FSTL1: variants seen among roughly 807,000 people sequenced by gnomAD.
FSTL1 encodes follistatin like 1.
In FSTL1, 24 loss-of-function variants were observed where a neutral mutation model predicts 45.9. The observed-to-expected ratio is 0.52, with a 90% CI of 0.38 to 0.74. The LOEUF is 0.74. Among genes scored for constraint, FSTL1 ranks in the 30% least tolerant of loss-of-function variants. The probability of loss-of-function intolerance (pLI) is 0.00; values close to 1 mark genes in which losing one functional copy is unlikely to be tolerated. For missense variants in FSTL1, 340 were observed against 381.8 expected, an observed-to-expected ratio of 0.89 and a Z score of 0.91; for synonymous variants, 120 against 137.6, an observed-to-expected ratio of 0.87 and a Z score of 0.89.
chr3:120,446,138 G>C (rs1227428551), intron 2 of FSTL1, among the ~76,000 whole-genome samples: 1 of 152,188 alleles, frequency 6.6e-6, no homozygotes, highest in Non-Finnish European at 1.5e-5. Context: ...AGAGGACTAA[G>C]ACAAAGAATC....
chr3:120,437,980 A>G (rs1436235131), intron 2 of FSTL1, among the ~76,000 whole-genome samples: 1 of 152,090 alleles, frequency 6.6e-6, no homozygotes, highest in Non-Finnish European at 1.5e-5. Context: ...GGGCCAGGGG[A>G]GCAGGGCAGG....
chr3:120,444,590 C>A (rs868536881), intron 2 of FSTL1, among the ~76,000 whole-genome samples: 2 of 149,722 alleles, frequency 1.3e-5, no homozygotes, highest in Non-Finnish European at 2.9e-5. Context: ...TTCTTGTGAT[C>A]CCCTCCTTTT....
At chr3:120,420,201 A>G (rs1173069121) in intron 2 of FSTL1, among the ~76,000 whole-genome samples, 1 of 152,238 alleles carries the variant, frequency 6.6e-6, no homozygotes, top group African/African-American at 2.4e-5. Flanking sequence ...TAATGATTTT[A>G]GGAATGAGGT....
intron 2 of FSTL1, among the ~76,000 whole-genome samples, chr3:120,440,532 C>G (rs1366209890): frequency 6.6e-6 from 1 of 152,240 alleles, no homozygotes; most frequent in East Asian, 1.9e-4. Context: ...CCCAATACTT[C>G]TCACATTGCA....
In FSTL1 at chr3:120,410,973, C is replaced by T. The variant is rs149509930; in HGVS notation, c.310G>A (p.Val104Ile). Reference sequence around the variant, plus strand: ...TCACCTGGGCTGGCAGATGGACTTACGGATTTCTTCTCTGCAAGACAAAAA... The same window carrying T: ...TCACCTGGGCTGGCAGATGGACTTATGGATTTCTTCTCTGCAAGACAAAAA... The part of the protein sequence containing the change: ...YDGHCKEKKS[V>I]SPSASPVVCY... The change falls in exon 5 of 11, where the codon GTA (valine) becomes ATA (isoleucine). Residue 104 changes from valine to isoleucine, a missense_variant. By Grantham distance (29) the Val-to-Ile change is conservative. Coordinates refer to ENST00000295633, the MANE Select transcript of FSTL1 (RefSeq NM_007085.5). 633 of 1,608,902 alleles carry T rather than the reference C, an allele frequency of 3.9e-4. 2 individuals are homozygous for T. Among genetic ancestry groups the T allele is most frequent in the Admixed American group, 5.9e-4 (35 of 59,760 alleles).
intron 7 of FSTL1, among the ~76,000 whole-genome samples, chr3:120,403,967 CAAAAACAAAAAAAAACAAAA>C (rs1381789849): frequency 2.8e-5 from 1 of 36,284 alleles, no homozygotes; most frequent in African/African-American, 1.0e-4. Context: ...AAAACAAAAA[CAAAAACAAAAAAAAACAAAA>C]AACAAAACAA....
At position 120,395,562 on chromosome 3, in the gene FSTL1, A is replaced by G. The variant is rs1203862611; in HGVS notation, c.*1390T>C. On this transcript the variant is annotated 3_prime_UTR_variant, in exon 11 of 11. Transcript: ENST00000295633. Reference sequence around the variant, plus strand: ...TTCCCACTCTCTTCCTGCTTTACCCATGAGGACTCCATATCATAGCACGAC... The same window carrying G: ...TTCCCACTCTCTTCCTGCTTTACCCGTGAGGACTCCATATCATAGCACGAC... The G allele has an allele frequency of 4.2e-6, 2 of 471,282 alleles. No individual in the cohort carries two copies. Among genetic ancestry groups the G allele is most frequent in the African/African-American group, 4.0e-5 (2 of 49,398 alleles). The allele number at this position is 471,282 out of a possible 1,614,324, so 29.2% of individuals were successfully genotyped here.
chr3:120,421,945 G>C (rs1221061176), intron 2 of FSTL1, among the ~76,000 whole-genome samples: 1 of 152,164 alleles, frequency 6.6e-6, no homozygotes, highest in Non-Finnish European at 1.5e-5. Context: ...CAAATAAAAG[G>C]TCTGAAATCA....
chr3:120,403,030 T>C, intron 8 of FSTL1, 112 bp from the exon 9 acceptor site: 1 of 781,840 alleles, frequency 1.3e-6, no homozygotes, highest in Non-Finnish European at 2.3e-6. Context: ...TGCCTGTCCC[T>C]CAGAAGCACT....
chr3:120,422,805 C>T (rs1937304318), intron 2 of FSTL1, among the ~76,000 whole-genome samples: 1 of 152,130 alleles, frequency 6.6e-6, no homozygotes, highest in Non-Finnish European at 1.5e-5. Context: ...AGCGATTCTC[C>T]TGCCTCAGCC....
chr3:120,415,597 G>A (rs1208220234), intron 3 of FSTL1, among the ~76,000 whole-genome samples: 1 of 152,116 alleles, frequency 6.6e-6, no homozygotes, highest in African/African-American at 2.4e-5. Flanking sequence ...AATTGTTAAC[G>A]CTGGTTACTT....
intron 2 of FSTL1, among the ~76,000 whole-genome samples, chr3:120,416,585 T>G (rs546031559): frequency 6.6e-6 from 1 of 152,144 alleles, no homozygotes; most frequent in Non-Finnish European, 1.5e-5. Context: ...ATGGAAACAT[T>G]GTACAGAACT....
intron 2 of FSTL1, among the ~76,000 whole-genome samples, chr3:120,439,738 G>A (rs144091295): frequency 3.3e-5 from 5 of 152,304 alleles, no homozygotes; most frequent in Non-Finnish European, 5.9e-5. Flanking sequence ...CTCTGCTGGC[G>A]TTTTAGAGCT....
chr3:120,420,411 T>A (rs543329917), intron 2 of FSTL1, among the ~76,000 whole-genome samples: 2 of 152,190 alleles, frequency 1.3e-5, no homozygotes, highest in Admixed American at 1.3e-4. Flanking sequence ...GATATATTGA[T>A]AAAAATCAGC....
chr3:120,404,311 G>C (rs1936903975), intron 7 of FSTL1, among the ~76,000 whole-genome samples: 1 of 152,198 alleles, frequency 6.6e-6, no homozygotes, highest in African/African-American at 2.4e-5. Context: ...AAAAAGACAT[G>C]CTTTTCCTAT....
chr3:120,406,827 C>T (rs1330888600), intron 6 of FSTL1, among the ~76,000 whole-genome samples: 1 of 152,186 alleles, frequency 6.6e-6, no homozygotes, highest in African/African-American at 2.4e-5. Flanking sequence ...GGTTGATTAT[C>T]CCTTATCTGA....
At chr3:120,435,126 C>T (rs536609774) in intron 2 of FSTL1, among the ~76,000 whole-genome samples, 2 of 151,946 alleles carry the variant, frequency 1.3e-5, no homozygotes, top group Admixed American at 6.6e-5. Context: ...GGCTGAGGCA[C>T]GAGAATTGCT....
Position 120,396,827 on chromosome 3 carries a change from T to C in FSTL1, c.*125A>G. On this transcript the variant is annotated 3_prime_UTR_variant, in exon 11 of 11. Transcript: ENST00000295633. ...TTTATTGCAAAACAAATAAACAAAA[T>C]AAAACTCATTGCTATATAAGCAAAT... The C allele has an allele frequency of 1.3e-6, 1 of 741,750 alleles. No homozygotes were observed. The highest frequency in any genetic ancestry group is 2.4e-4 in the Middle Eastern group (1 of 4,164). The allele number at this position is 741,750 out of a possible 1,614,324, so 45.9% of individuals were successfully genotyped here.
At chr3:120,405,596 TC>T (rs1245146110) in intron 6 of FSTL1, among the ~76,000 whole-genome samples, 2 of 152,202 alleles carry the variant, frequency 1.3e-5, no homozygotes, top group Non-Finnish European at 2.9e-5. Context: ...ACAGGGGTCA[TC>T]ATGCAAAGTT....
Sources: gnomAD v4.1 joint callset for allele counts (sites outside exome capture counted in the v4.1 genomes callset) on GRCh38, gnomAD v4.1.1 for gene constraint, MANE v1.5 for transcripts, NCBI Gene and HGNC (gene_info 2026-07-23, HGNC 2026-07-21) for gene names.